COL4A6: variants seen among roughly 807,000 people sequenced by gnomAD.
COL4A6 encodes the protein collagen type IV alpha 6 chain, also known as collagen alpha-6(IV) chain.
COL4A6 carries 59 observed loss-of-function variants against 126.7 expected under a neutral mutation model. The observed-to-expected ratio is 0.47, with a 90% CI of 0.38 to 0.58. The LOEUF (loss-of-function observed/expected upper bound fraction) is 0.58. Among genes scored for constraint, COL4A6 ranks in the 20% least tolerant of loss-of-function variants. COL4A6 has a pLI of 0.00. For synonymous variants in COL4A6, 547 were observed against 496.6 expected (o/e 1.10, Z -1.35); for missense variants, 1,285 against 1,337.3 (o/e 0.96, Z 0.61).
At chrX:108,335,673 G>A (rs1386493988) in intron 2 of COL4A6, among the ~76,000 whole-genome samples, 1 of 110,776 alleles carries the variant, frequency 9.0e-6, no homozygotes, top group African/African-American at 3.3e-5. Flanking sequence ...TTAAAATTTG[G>A]GGGTTAAGAA....
chrX:108,198,034 A>G (rs1241587176), intron 13 of COL4A6, among the ~76,000 whole-genome samples: 1 of 111,595 alleles, frequency 9.0e-6, no homozygotes, highest in African/African-American at 3.3e-5. Context: ...TCTGAGGTCA[A>G]ACGCTTCAGG....
chrX:108,239,673 A>G (rs1366268303), intron 3 of COL4A6, among the ~76,000 whole-genome samples: 1 of 111,357 alleles, frequency 9.0e-6, no homozygotes. Context: ...AATACCAAAA[A>G]TCCATCCTTC....
chrX:108,417,815 T>C (rs2041462335), intron 2 of COL4A6, among the ~76,000 whole-genome samples: 1 of 112,041 alleles, frequency 8.9e-6, no homozygotes, highest in East Asian at 2.8e-4. Flanking sequence ...CATTCTTCCC[T>C]TAGAGTGGTA....
At position 108,334,771 on chromosome X, in the gene COL4A6, A is replaced by G. The variant is rs139208895; in HGVS notation, c.64-23943T>C. On this transcript the variant is annotated intron_variant, in intron 2 of 44. Coordinates refer to ENST00000334504, the MANE Select transcript of COL4A6 (RefSeq NM_033641.4). ...CCAAATCTTGCTTCTGACACTTATT[A>G]GTTCTGAGCAAGTTTCTTCTGAGCC... Among the ~76,000 whole-genome samples the G allele has an allele frequency of 7.5e-3, 833 of 111,620 alleles. 7 individuals carry two copies. The highest frequency in any genetic ancestry group is 0.012 in the Non-Finnish European group (611 of 52,977).
chrX:108,163,865 A>T (rs2034038891), intron 40 of COL4A6, among the ~76,000 whole-genome samples: 1 of 112,327 alleles, frequency 8.9e-6, no homozygotes, highest in African/African-American at 3.2e-5. Flanking sequence ...GGGAAGTAGA[A>T]GTAGCATGTG....
At chrX:108,398,754 C>A (rs1275155938) in intron 2 of COL4A6, among the ~76,000 whole-genome samples, 1 of 110,563 alleles carries the variant, frequency 9.0e-6, no homozygotes, top group African/African-American at 3.3e-5. Flanking sequence ...GATTAAGAAC[C>A]CAGAAAAAAG....
intron 3 of COL4A6, among the ~76,000 whole-genome samples, chrX:108,250,978 T>G (rs2036838165): frequency 9.0e-6 from 1 of 111,231 alleles, no homozygotes; most frequent in Non-Finnish European, 1.9e-5. Context: ...AGGCTGTTTT[T>G]TTGACTCCAG....
At chrX:108,252,914 T>C (rs1052865771) in intron 3 of COL4A6, among the ~76,000 whole-genome samples, 8 of 111,894 alleles carry the variant, frequency 7.1e-5, no homozygotes, top group African/African-American at 2.3e-4. Flanking sequence ...TGTGATCATG[T>C]CAATAGATGC....
chrX:108,289,018 A>G lies in COL4A6; in HGVS notation c.144+21730T>C, dbSNP rs1421511083. Among the ~76,000 whole-genome samples the G allele has an allele frequency of 5.4e-5, 6 of 111,878 alleles. No individual in the cohort carries two copies. The Admixed American group carries it at 5.7e-4, about 11-fold the overall frequency. On this transcript the variant is annotated intron_variant, in intron 3 of 44. Coordinates refer to ENST00000334504, the MANE Select transcript of COL4A6 (RefSeq NM_033641.4). ...CTGGCCTGGACTCTTAACAAATATC[A>G]GCATCATAAAAGACAAAAGAATAAA...
chrX:108,164,281 GTTCT>G (rs2034053165), intron 40 of COL4A6, among the ~76,000 whole-genome samples: 1 of 111,238 alleles, frequency 9.0e-6, no homozygotes, highest in South Asian at 3.9e-4. Flanking sequence ...GCAAAAGACG[GTTCT>G]TTATTTCTGA....
At chrX:108,187,067 G>C (rs1450663007) in intron 23 of COL4A6, 29 bp downstream of exon 23, 2 of 1,097,871 alleles carry the variant, frequency 1.8e-6, no homozygotes, top group South Asian at 5.3e-5. Context: ...AAATTTCCAA[G>C]TCCAAAGCCA....
rs1296339921 is a variant in COL4A6 at position 108,320,746 on chromosome X, G to T, written c.64-9918C>A. On this transcript the variant is annotated intron_variant, in intron 2 of 44. Coordinates refer to ENST00000334504, the MANE Select transcript of COL4A6 (RefSeq NM_033641.4). ...ACAGTAAATGGTTGTTGAAATGGCT[G>T]CTCATTCCTGGTTTCATACAGCATA... 4.5e-5 allele frequency among the ~76,000 whole-genome samples: 5 copies of T among 111,984 alleles called. No individual in the cohort carries two copies. In the East Asian group the frequency reaches 8.4e-4, roughly 19 times the overall value.
At chrX:108,343,152 T>C (rs1018031340) in intron 2 of COL4A6, among the ~76,000 whole-genome samples, 2 of 74,962 alleles carry the variant, frequency 2.7e-5, no homozygotes, top group Non-Finnish European at 5.1e-5. Flanking sequence ...TATATATATA[T>C]ATATATATAT....
rs1296923704 is a variant in COL4A6, at chrX:108,157,141, G to A, written c.4932C>T (p.Tyr1644=). The A allele has an allele frequency of 8.3e-6, 10 of 1,210,665 alleles. No individual in the cohort carries two copies. Among genetic ancestry groups the A allele is most frequent in the Middle Eastern group, 2.3e-4 (1 of 4,373 alleles). The change falls in exon 45 of 45, where the codon TAC becomes TAT. Residue 1644 remains tyrosine (Y), a synonymous_variant. Coordinates refer to ENST00000334504, the MANE Select transcript of COL4A6 (RefSeq NM_033641.4). ...ACCAGAAACTGTACTTGTTTGCAAA[G>A]TAGTGGCAGGTGCCTCGGGCACCAC... ...ECSGARGTCH[Y]FANKYSFWLT... is the part of the protein sequence containing the mutation.
In COL4A6 at chrX:108,176,920, T is replaced by C; in HGVS notation, c.2607A>G (p.Gly869=). 8.3e-7 allele frequency: 1 copy of C among 1,211,899 alleles called. No individual in the cohort carries two copies. Among genetic ancestry groups the C allele is most frequent in the South Asian group, 1.8e-5 (1 of 57,011 alleles). The change falls in exon 28 of 45, where the codon GGA becomes GGG. Residue 869 remains glycine, a synonymous_variant. Coordinates refer to ENST00000334504, the MANE Select transcript of COL4A6 (RefSeq NM_033641.4). ...KGLPGLKGLP[G]NPGLVGLKGS... The stretch of plus-strand genomic sequence containing the variant: ...CTTTCAGTCCTACTAGGCCTGGATT[T>C]CCAGGAAGGCCTTTTAGCCCTGGCA...
intron 2 of COL4A6, among the ~76,000 whole-genome samples, chrX:108,391,855 T>C (rs1253668595): frequency 1.8e-5 from 2 of 112,192 alleles, no homozygotes; most frequent in Admixed American, 9.4e-5. Context: ...GTCCAACCAG[T>C]CCCAATGAGA....
intron 3 of COL4A6, among the ~76,000 whole-genome samples, chrX:108,262,003 G>A (rs1358914388): frequency 1.8e-5 from 2 of 111,702 alleles, no homozygotes; most frequent in Non-Finnish European, 3.8e-5. Context: ...AAACACAATG[G>A]TTTATTCTTA....
At chrX:108,405,124 C>A (rs1219683374) in intron 2 of COL4A6, among the ~76,000 whole-genome samples, 1 of 111,708 alleles carries the variant, frequency 9.0e-6, no homozygotes, top group Non-Finnish European at 1.9e-5. Flanking sequence ...TGCACCTCCT[C>A]AGAAACCTGG....
chrX:108,293,232 T>C (rs2038224965), intron 3 of COL4A6, among the ~76,000 whole-genome samples: 1 of 111,219 alleles, frequency 9.0e-6, no homozygotes, highest in Non-Finnish European at 1.9e-5. Context: ...TTTCCAGTTA[T>C]GTGACCTTTG....
Sources: gnomAD v4.1 joint callset for allele counts (sites outside exome capture counted in the v4.1 genomes callset) on GRCh38, gnomAD v4.1.1 for gene constraint, MANE v1.5 for transcripts, NCBI Gene and HGNC (gene_info 2026-07-23, HGNC 2026-07-21) for gene names.